Variants in GRIK4 observed in about 807,000 individuals in gnomAD.
GRIK4 encodes glutamate receptor ionotropic, kainate 4.
Under a neutral mutation model 104.9 loss-of-function variants are expected in GRIK4, and 40 were observed. The observed-to-expected ratio is 0.38, with a 90% CI of 0.30 to 0.50. The LOEUF (loss-of-function observed/expected upper bound fraction) is 0.50, where lower values mean the gene tolerates loss of function less well. GRIK4 is among the 20% of genes least tolerant of loss of function. The pLI is 0.93. For synonymous variants in GRIK4, 485 were observed against 524.9 expected (o/e 0.92, Z 1.04); for missense variants, 1,047 against 1,308.1 (o/e 0.80, Z 3.08).
intron 13 of GRIK4, among the ~76,000 whole-genome samples, chr11:120,921,280 T>C (rs1367207484): frequency 6.6e-6 from 1 of 152,226 alleles, no homozygotes; most frequent in Non-Finnish European, 1.5e-5. Context: ...GAACTATAGC[T>C]GTCTTCTTTA....
chr11:120,920,600 C>T (rs1943207167), intron 13 of GRIK4, among the ~76,000 whole-genome samples: 1 of 151,820 alleles, frequency 6.6e-6, no homozygotes, highest in South Asian at 2.1e-4. Context: ...CTGTTCCAAC[C>T]TACTCTCTTC....
chr11:120,864,830 G>A (rs1042538157), intron 9 of GRIK4, among the ~76,000 whole-genome samples: 7 of 152,230 alleles, frequency 4.6e-5, no homozygotes, highest in African/African-American at 7.2e-5. Context: ...GTGGGTCAGC[G>A]CTGCCATGGT....
intron 3 of GRIK4, among the ~76,000 whole-genome samples, chr11:120,744,373 A>G (rs1336624648): frequency 1.3e-5 from 2 of 152,168 alleles, no homozygotes; most frequent in East Asian, 3.8e-4. Context: ...GCCCTTGTCA[A>G]TCATGTTAGC....
intron 9 of GRIK4, among the ~76,000 whole-genome samples, chr11:120,867,394 A>G (rs1337005162): frequency 2.0e-5 from 3 of 152,162 alleles, no homozygotes; most frequent in Non-Finnish European, 2.9e-5. Context: ...CAAGCGTTCT[A>G]CAAAAGCTGC....
At chr11:120,779,315 C>T (rs1325035389) in intron 3 of GRIK4, among the ~76,000 whole-genome samples, 4 of 152,034 alleles carry the variant, frequency 2.6e-5, no homozygotes, top group Non-Finnish European at 2.9e-5. Flanking sequence ...CAGAGTGAGC[C>T]GGTCAGGAGC....
intron 3 of GRIK4, 139 bp from the exon 4 acceptor site, chr11:120,802,554 G>A (rs780794878): frequency 1.4e-6 from 1 of 737,398 alleles, no homozygotes; most frequent in Non-Finnish European, 2.4e-6. Flanking sequence ...CTGGGGGACG[G>A]TTCTGAGCAT....
chr11:120,606,087 A>T (rs969852871), intron 1 of GRIK4, among the ~76,000 whole-genome samples: 5 of 152,222 alleles, frequency 3.3e-5, no homozygotes, highest in Non-Finnish European at 7.3e-5. Context: ...TTGATTTATC[A>T]TTCAAACCTT....
At chr11:120,590,466 C>G (rs934942242) in intron 1 of GRIK4, among the ~76,000 whole-genome samples, 1 of 152,168 alleles carries the variant, frequency 6.6e-6, no homozygotes, top group Non-Finnish European at 1.5e-5. Context: ...TGAGTCCTAT[C>G]GATGCCTCCC....
chr11:120,600,340 CCT>C (rs1452384492), intron 1 of GRIK4, among the ~76,000 whole-genome samples: 4 of 152,068 alleles, frequency 2.6e-5, no homozygotes, highest in South Asian at 2.1e-4. Context: ...GTTTTTCCCC[CCT>C]CTGTCTTAAA....
At chr11:120,734,437 T>C (rs1202517976) in intron 3 of GRIK4, among the ~76,000 whole-genome samples, 2 of 152,190 alleles carry the variant, frequency 1.3e-5, no homozygotes, top group African/African-American at 4.8e-5. Flanking sequence ...GTATATTATT[T>C]GTTTCTGTTC....
At chr11:120,583,995 C>T (rs774167167) in intron 1 of GRIK4, among the ~76,000 whole-genome samples, 12 of 152,190 alleles carry the variant, frequency 7.9e-5, no homozygotes, top group Non-Finnish European at 1.8e-4. Flanking sequence ...GAATCGTACT[C>T]TTGATTTGGC....
chr11:120,981,677 G>T (rs1944655040), intron 19 of GRIK4, among the ~76,000 whole-genome samples: 1 of 152,222 alleles, frequency 6.6e-6, no homozygotes, highest in African/African-American at 2.4e-5. Flanking sequence ...GGTCAAAACA[G>T]TTGCTTTTAT....
intron 1 of GRIK4, among the ~76,000 whole-genome samples, chr11:120,643,274 CCT>C (rs1949494243): frequency 6.6e-6 from 1 of 152,042 alleles, no homozygotes; most frequent in African/African-American, 2.4e-5. Context: ...ATGAAAGCCC[CCT>C]GAGAGTTAGA....
intron 3 of GRIK4, among the ~76,000 whole-genome samples, chr11:120,764,390 T>C (rs1442050176): frequency 6.6e-6 from 1 of 152,214 alleles, no homozygotes; most frequent in Non-Finnish European, 1.5e-5. Flanking sequence ...GTCTTGACTC[T>C]TTATCCAATT....
chr11:120,514,489 G>A (rs1250219550), intron 1 of GRIK4, among the ~76,000 whole-genome samples: 1 of 152,158 alleles, frequency 6.6e-6, no homozygotes, highest in Non-Finnish European at 1.5e-5. Context: ...TGCTTTTTAA[G>A]GTCTCAGCTG....
At chr11:120,801,642 A>G (rs1211057572) in intron 3 of GRIK4, among the ~76,000 whole-genome samples, 1 of 152,208 alleles carries the variant, frequency 6.6e-6, no homozygotes, top group African/African-American at 2.4e-5. Context: ...TTATCTATCA[A>G]TCAATCTATG....
At chr11:120,707,417 G>C (rs1950648931) in intron 3 of GRIK4, among the ~76,000 whole-genome samples, 1 of 152,224 alleles carries the variant, frequency 6.6e-6, no homozygotes, top group Non-Finnish European at 1.5e-5. Flanking sequence ...TCCCCCAGCA[G>C]ATCCTGCACA....
intron 2 of GRIK4, among the ~76,000 whole-genome samples, chr11:120,658,522 C>T (rs1409689389): frequency 6.6e-6 from 1 of 152,076 alleles, no homozygotes; most frequent in African/African-American, 2.4e-5. Flanking sequence ...TGTCCACATC[C>T]TTGCTAACAC....
intron 3 of GRIK4, among the ~76,000 whole-genome samples, chr11:120,778,354 G>A (rs1952083967): frequency 6.6e-6 from 1 of 152,170 alleles, no homozygotes; most frequent in African/African-American, 2.4e-5. Flanking sequence ...GGAGAAACAC[G>A]AGAGAAGATA....
Sources: gnomAD v4.1 joint callset for allele counts (sites outside exome capture counted in the v4.1 genomes callset) on GRCh38, gnomAD v4.1.1 for gene constraint, MANE v1.5 for transcripts, NCBI Gene and HGNC (gene_info 2026-07-23, HGNC 2026-07-21) for gene names.